FOXP2: variants seen among roughly 807,000 people sequenced by gnomAD.
FOXP2 encodes the protein forkhead box protein P2.
In FOXP2, 12 loss-of-function variants were observed where a neutral mutation model predicts 115.8. The observed-to-expected ratio is 0.10, with a 90% CI of 0.07 to 0.17. The LOEUF is 0.17. Among genes scored for constraint, FOXP2 ranks in the 10% least tolerant of loss-of-function variants. The pLI, the probability that FOXP2 is intolerant of heterozygous loss-of-function variation, is 1.00. For missense variants in FOXP2, 629 were observed against 843.5 expected (o/e 0.75, Z 3.15); for synonymous variants, 328 against 297.7 (o/e 1.10, Z -1.05).
In FOXP2 at chr7:114,435,112, T is replaced by C. The variant is rs142558103; in HGVS notation, c.168+8433T>C. Among the ~76,000 whole-genome samples the C allele has an allele frequency of 7.2e-3, 1,093 of 152,270 alleles. 15 individuals are homozygous for C. The highest frequency in any genetic ancestry group is 0.025 in the African/African-American group (1,033 of 41,536). On this transcript the variant is annotated intron_variant, in intron 2 of 16. Coordinates refer to ENST00000350908, the MANE Select transcript of FOXP2 (RefSeq NM_014491.4). Reference sequence around the variant, plus strand: ...TGGAAATTCATATCTGCTTATTCATTAGGTTCAACAACTATAAACCAATCA... The same window carrying C: ...TGGAAATTCATATCTGCTTATTCATCAGGTTCAACAACTATAAACCAATCA...
intron 3 of FOXP2, among the ~76,000 whole-genome samples, chr7:114,540,295 A>G (rs1229373269): frequency 1.3e-5 from 2 of 152,044 alleles, no homozygotes; most frequent in Admixed American, 6.6e-5. Context: ...TATCTTCTCT[A>G]TTAAACTGTA....
rs140009033 is a variant in FOXP2, at chr7:114,628,596, G to A, written c.315G>A (p.Gln105=). 108 of 1,613,970 alleles carry A rather than the reference G, an allele frequency of 6.7e-5. No homozygotes were observed. Among genetic ancestry groups the A allele is most frequent in the Non-Finnish European group, 8.9e-5 (105 of 1,179,994 alleles). ...TPQVITPQQM[Q]QILQQQVLSP... ...AGGTGATCACCCCTCAGCAAATGCA[G>A]CAGATCCTTCAGCAACAAGTCCTGT... The change falls in exon 4 of 17, where the codon CAG becomes CAA. Residue 105 remains glutamine, a synonymous_variant. Transcript: ENST00000350908.
intron 2 of FOXP2, among the ~76,000 whole-genome samples, chr7:114,454,975 T>A (rs1269744894): frequency 1.3e-5 from 2 of 148,626 alleles, no homozygotes; most frequent in Non-Finnish European, 3.0e-5. Context: ...CATATGTAAC[T>A]AACCTGCACA....
chr7:114,254,016 T>G (rs550956540), intron 1 of FOXP2, among the ~76,000 whole-genome samples: 24 of 152,314 alleles, frequency 1.6e-4, no homozygotes, highest in Non-Finnish European at 3.1e-4. Context: ...AGCATTTGCT[T>G]GTCTGTGAAG....
At chr7:114,177,148 G>T (rs969032525) in intron 1 of FOXP2, among the ~76,000 whole-genome samples, 1 of 152,082 alleles carries the variant, frequency 6.6e-6, no homozygotes, top group Admixed American at 6.5e-5. Context: ...GAATAATACT[G>T]CTCTGAAGAT....
chr7:114,430,246 A>G (rs1435752824), intron 2 of FOXP2, among the ~76,000 whole-genome samples: 1 of 151,806 alleles, frequency 6.6e-6, no homozygotes, highest in African/African-American at 2.4e-5. Flanking sequence ...TAAATTGTTT[A>G]AGCAAAAGTT....
At chr7:114,688,274 GC>G in intron 16 of FOXP2, among the ~76,000 whole-genome samples, 1 of 112,888 alleles carries the variant, frequency 8.9e-6, no homozygotes, top group South Asian at 2.8e-4. Flanking sequence ...GCCTAGTTTT[GC>G]ATTTCAACAT....
intron 3 of FOXP2, among the ~76,000 whole-genome samples, chr7:114,577,620 T>C (rs1401914029): frequency 6.6e-6 from 1 of 151,974 alleles, no homozygotes; most frequent in African/African-American, 2.4e-5. Flanking sequence ...TCATGATTTC[T>C]TTCCCACCAG....
At chr7:114,481,240 C>G (rs1484726831) in intron 2 of FOXP2, among the ~76,000 whole-genome samples, 1 of 150,824 alleles carries the variant, frequency 6.6e-6, no homozygotes, top group African/African-American at 2.4e-5. Flanking sequence ...GCCCTCCTGC[C>G]CCCTCATGTA....
intron 3 of FOXP2, among the ~76,000 whole-genome samples, chr7:114,595,164 T>A (rs1373040918): frequency 1.3e-5 from 2 of 152,080 alleles, no homozygotes; most frequent in African/African-American, 4.8e-5. Flanking sequence ...CATTCCTGCC[T>A]AGTAATGAAG....
chr7:114,447,047 G>A (rs1000100905), intron 2 of FOXP2, among the ~76,000 whole-genome samples: 3 of 151,944 alleles, frequency 2.0e-5, no homozygotes, highest in Admixed American at 2.0e-4. Flanking sequence ...ATGGCACCTG[G>A]CCTCCTATCT....
intron 2 of FOXP2, among the ~76,000 whole-genome samples, chr7:114,490,115 A>G (rs1796965435): frequency 6.6e-6 from 1 of 152,178 alleles, no homozygotes; most frequent in African/African-American, 2.4e-5. Flanking sequence ...AACAATCTGC[A>G]TATGAATGTT....
intron 2 of FOXP2, among the ~76,000 whole-genome samples, chr7:114,498,045 C>T (rs1797400636): frequency 6.6e-6 from 1 of 152,128 alleles, no homozygotes; most frequent in Non-Finnish European, 1.5e-5. Context: ...CCACTATTAT[C>T]TATGATACCG....
chr7:114,318,001 A>G (rs1022872043), intron 2 of FOXP2, among the ~76,000 whole-genome samples: 1 of 151,916 alleles, frequency 6.6e-6, no homozygotes, highest in Non-Finnish European at 1.5e-5. Flanking sequence ...TGTCACTTTC[A>G]CCATAAGGGC....
Position 114,099,137 on chromosome 7 carries a change from C to T in FOXP2, c.-247+11299C>T, listed in dbSNP as rs762940774. On this transcript the variant is annotated intron_variant, in intron 1 of 19. Transcript: ENST00000635638. ...GCGACAGAGCATGACCCTGTCTCAA[C>T]AAACAAACAAACAAACAGAAAAAAA... Among the ~76,000 whole-genome samples, 7 of 151,942 alleles carry T rather than the reference C, an allele frequency of 4.6e-5. No individual in the cohort carries two copies. In the East Asian group the frequency reaches 5.8e-4, roughly 13 times the overall value.
At chr7:114,347,584 A>G (rs920913404) in intron 2 of FOXP2, among the ~76,000 whole-genome samples, 1 of 152,010 alleles carries the variant, frequency 6.6e-6, no homozygotes. Context: ...AATTTCTCCA[A>G]ATAATAGATA....
chr7:114,604,258 C>T lies in FOXP2; in HGVS notation c.259-24282C>T, dbSNP rs565316322. On this transcript the variant is annotated intron_variant, in intron 3 of 16. Coordinates refer to ENST00000350908, the MANE Select transcript of FOXP2 (RefSeq NM_014491.4). ...CTATGGAGCCTTTTTTATGAGGACA[C>T]GAATCCCATTCATAAACCCTCCACC... Among the ~76,000 whole-genome samples the T allele has an allele frequency of 4.6e-5, 7 of 152,204 alleles. No homozygotes were observed. The South Asian group carries it at 8.3e-4, about 18-fold the overall frequency.
intron 1 of FOXP2, among the ~76,000 whole-genome samples, chr7:114,215,653 T>C (rs1202220725): frequency 6.6e-6 from 1 of 152,042 alleles, no homozygotes; most frequent in Non-Finnish European, 1.5e-5. Context: ...GTTAAGATAC[T>C]GCTTTTTTTT....
upstream of FOXP2, among the ~76,000 whole-genome samples, chr7:114,162,395 A>C (rs138206910): frequency 1.9e-4 from 29 of 152,076 alleles, no homozygotes; most frequent in East Asian, 3.9e-3. Context: ...TTGTACCATT[A>C]AAAAAAATCT....
Sources: gnomAD v4.1 joint callset for allele counts (sites outside exome capture counted in the v4.1 genomes callset) on GRCh38, gnomAD v4.1.1 for gene constraint, MANE v1.5 for transcripts, NCBI Gene and HGNC (gene_info 2026-07-23, HGNC 2026-07-21) for gene names.